The following ATG7 variants were observed in gnomAD, a reference collection of about 807,000 sequenced individuals.
ATG7 encodes autophagy related 7, also known as ubiquitin-like modifier-activating enzyme ATG7.
A neutral mutation model predicts 82.4 loss-of-function variants in ATG7; 70 were observed. The ratio of observed to expected loss-of-function variants is 0.85; its 90% CI spans 0.70 to 1.04. The LOEUF (loss-of-function observed/expected upper bound fraction) is 1.04, where lower values mean the gene tolerates loss of function less well. Among genes scored for constraint, ATG7 ranks in the 50% least tolerant of loss-of-function variants. The pLI, the probability that ATG7 is intolerant of heterozygous loss-of-function variation, is 0.00. For missense variants in ATG7, 792 were observed against 864.3 expected (o/e 0.92, Z 1.05); for synonymous variants, 287 against 313.0 (o/e 0.92, Z 0.88).
intron 20 of ATG7, among the ~76,000 whole-genome samples, chr3:11,437,223 A>G (rs2083447540): frequency 2.0e-5 from 3 of 152,158 alleles, no homozygotes; most frequent in Non-Finnish European, 4.4e-5. Flanking sequence ...GTTTTTAGGA[A>G]TGCGTTTTCT....
intron 4 of ATG7, 197 bp from the exon 5 acceptor site, chr3:11,299,165 T>G: frequency 1.6e-6 from 1 of 608,342 alleles, no homozygotes; most frequent in Non-Finnish European, 2.9e-6. Flanking sequence ...TTGGCGAATG[T>G]CTCATATTCA....
intron 18 of ATG7, among the ~76,000 whole-genome samples, chr3:11,366,046 C>T (rs980727537): frequency 7.2e-5 from 11 of 151,890 alleles, no homozygotes; most frequent in African/African-American, 2.7e-4. Flanking sequence ...GGTGAAACCC[C>T]GTCTCTACTA....
Position 11,326,286 on chromosome 3 carries a change from G to GTT in ATG7, c.679-5045_679-5044dup, listed in dbSNP as rs60421306. 2.0e-3 allele frequency among the ~76,000 whole-genome samples: 295 copies of GTT among 146,594 alleles called. 2 individuals are homozygous for GTT. The highest frequency in any genetic ancestry group is 6.9e-3 in the Middle Eastern group (2 of 290). The stretch of plus-strand genomic sequence containing the variant: ...TACACTTGATAGAGTTGTAAATGCT[G>GTT]TTTTTTTTTTGTTGTTGTTGTTTTG... On this transcript the variant is annotated intron_variant, in intron 9 of 20. Coordinates refer to ENST00000693202, the MANE Select transcript of ATG7 (RefSeq NM_001349232.2).
At chr3:11,284,288 G>T (rs1208886047) in intron 3 of ATG7, among the ~76,000 whole-genome samples, 1 of 152,166 alleles carries the variant, frequency 6.6e-6, no homozygotes, top group East Asian at 1.9e-4. Context: ...TGGTTGGGCG[G>T]TCTCACTCCA....
At chr3:11,427,804 G>A (rs2082501859) in intron 20 of ATG7, among the ~76,000 whole-genome samples, 1 of 128,460 alleles carries the variant, frequency 7.8e-6, no homozygotes, top group African/African-American at 3.0e-5. Flanking sequence ...GACGGTGCGA[G>A]ACTCCGTCTC....
downstream of ATG7, among the ~76,000 whole-genome samples, chr3:11,561,730 C>T (rs1419067653): frequency 1.3e-5 from 2 of 152,040 alleles, no homozygotes; most frequent in African/African-American, 2.4e-5. Flanking sequence ...TTGGAAGTTA[C>T]GCTGCGGATT....
intron 19 of ATG7, among the ~76,000 whole-genome samples, chr3:11,403,833 A>G (rs1359553704): frequency 6.6e-6 from 1 of 152,148 alleles, no homozygotes; most frequent in Admixed American, 6.5e-5. Flanking sequence ...AAAAGATGGC[A>G]CTCCTTATGC....
At chr3:11,464,662 A>C (rs1314156081) in intron 20 of ATG7, among the ~76,000 whole-genome samples, 1 of 152,244 alleles carries the variant, frequency 6.6e-6, no homozygotes, top group African/African-American at 2.4e-5. Context: ...ACGAAAGACA[A>C]ATACAGAAAG....
intron 11 of ATG7, 66 bp from the exon 12 acceptor site, chr3:11,340,579 G>A (rs938469728): frequency 1.2e-5 from 17 of 1,413,900 alleles, no homozygotes; most frequent in African/African-American, 1.4e-5. Flanking sequence ...ATGTAAGGTC[G>A]TTGCTTGATC....
In ATG7 at chr3:11,379,964, G is replaced by GT. The variant is rs760539997; in HGVS notation, c.1876-3dup. On this transcript the variant is annotated splice_region_variant and splice_polypyrimidine_tract_variant and intron_variant, in intron 18 of 20. Transcript: ENST00000693202. ...TGATGTGAATTGTTTTGTTTTGTTT[G>GT]TTTTTAGATCCGGGGATTTCTTTCA... 1 of 1,613,758 alleles carries GT rather than the reference G, an allele frequency of 6.2e-7. No homozygotes were observed. The highest frequency in any genetic ancestry group is 1.7e-5 in the Admixed American group (1 of 60,012).
At chr3:11,381,216 C>T (rs999485385) in intron 19 of ATG7, among the ~76,000 whole-genome samples, 1 of 152,196 alleles carries the variant, frequency 6.6e-6, no homozygotes, top group African/African-American at 2.4e-5. Context: ...TCTGCTCAAG[C>T]CAGGACCTCA....
At chr3:11,519,586 GTCTC>G (rs770260926) in intron 20 of ATG7, among the ~76,000 whole-genome samples, 22 of 103,800 alleles carry the variant, frequency 2.1e-4, no homozygotes, top group Middle Eastern at 0.013. Context: ...TTGAGACGGA[GTCTC>G]TCTCTGTCGC....
intron 3 of ATG7, chr3:11,290,389 G>A (rs1327923996): frequency 1.1e-5 from 2 of 179,954 alleles, no homozygotes; most frequent in African/African-American, 4.8e-5. Flanking sequence ...GGAATAAGCT[G>A]TCTTTACTGG....
the ATG7 span, chr3:11,568,647 C>G: frequency 1.3e-6 from 2 of 1,566,636 alleles, no homozygotes; most frequent in South Asian, 2.3e-5. This position sits in a 1 kb window ranked among gnomAD's most constrained non-coding sequence, Gnocchi z 5.9. Flanking sequence ...TCAAGACAGA[C>G]ATTGTTTTCC....
intron 13 of ATG7, among the ~76,000 whole-genome samples, chr3:11,343,301 C>T (rs1337773419): frequency 6.6e-6 from 1 of 152,132 alleles, no homozygotes; most frequent in African/African-American, 2.4e-5. Flanking sequence ...TTTCCACGCT[C>T]TTGCCAAAAC....
chr3:11,365,206 T>TA (rs1164201916), intron 18 of ATG7, among the ~76,000 whole-genome samples: 1 of 152,206 alleles, frequency 6.6e-6, no homozygotes, highest in Non-Finnish European at 1.5e-5. Flanking sequence ...GTGTATATCA[T>TA]AGGCCCTCAA....
At chr3:11,513,924 T>A (rs894765398) in intron 20 of ATG7, among the ~76,000 whole-genome samples, 2 of 152,236 alleles carry the variant, frequency 1.3e-5, no homozygotes, top group Non-Finnish European at 2.9e-5. Flanking sequence ...GGCAGCATCT[T>A]GCTGTGTCAC....
chr3:11,524,310 A>AGAGTTAGAGTTAGAGTTAG (rs1311540062), intron 20 of ATG7, among the ~76,000 whole-genome samples: 1 of 152,216 alleles, frequency 6.6e-6, no homozygotes, highest in Non-Finnish European at 1.5e-5. Flanking sequence ...CCCCACTGGG[A>AGAGTTAGAGTTAGAGTTAG]AACTGGGTTA....
chr3:11,498,107 C>T (rs1282860791), intron 20 of ATG7, among the ~76,000 whole-genome samples: 1 of 152,156 alleles, frequency 6.6e-6, no homozygotes, highest in African/African-American at 2.4e-5. Context: ...ACTCTCAATC[C>T]AGTATTCTTC....
Sources: gnomAD v4.1 joint callset for allele counts (sites outside exome capture counted in the v4.1 genomes callset) on GRCh38, gnomAD v4.1.1 for gene constraint, Gnocchi (gnomAD v3.1) non-coding constraint, MANE v1.5 for transcripts, NCBI Gene and HGNC (gene_info 2026-07-23, HGNC 2026-07-21) for gene names.